G6PD: variants seen among roughly 807,000 people sequenced by gnomAD.
G6PD encodes the protein glucose-6-phosphate dehydrogenase.
Under a neutral mutation model 38.2 loss-of-function variants are expected in G6PD, and 2 were observed. The observed-to-expected ratio is 0.05, with a 90% CI of 0.02 to 0.16. The LOEUF is 0.16. Among genes scored for constraint, G6PD ranks in the 10% least tolerant of loss-of-function variants. The pLI, the probability that G6PD is intolerant of heterozygous loss-of-function variation, is 1.00. For synonymous variants in G6PD, 188 were observed against 196.0 expected (o/e 0.96, Z 0.34); for missense variants, 310 against 471.6 (o/e 0.66, Z 3.17).
At chrX:154,532,144 C>A in intron 12 of G6PD, 44 bp downstream of exon 12, 4 of 1,200,634 alleles carry the variant, frequency 3.3e-6, no homozygotes, top group Non-Finnish European at 4.5e-6. Flanking sequence ...CTCACCCCGC[C>A]CCTGCCCGCT....
upstream of G6PD, chrX:154,547,382 C>T (rs1234211503): frequency 4.0e-6 from 3 of 754,308 alleles, no homozygotes; most frequent in South Asian, 6.7e-5. Flanking sequence ...CGGCCGAGCG[C>T]CCCGAGGCTA....
intron 2 of G6PD, among the ~76,000 whole-genome samples, chrX:154,540,567 G>A (rs1557231618): frequency 9.4e-6 from 1 of 105,925 alleles, no homozygotes. Context: ...GAATCCAGGA[G>A]ACGGAGGTTG....
intron 3 of G6PD, 45 bp from the exon 4 acceptor site, chrX:154,536,090 C>T (rs1258055576): frequency 8.3e-7 from 1 of 1,205,333 alleles, no homozygotes. Context: ...AGGGCAGGAC[C>T]AGGCCTGTCC....
rs373239864 is a variant in G6PD at position 154,532,157 on chromosome X, G to C, written c.1457+31C>G. On this transcript the variant is annotated intron_variant, in intron 12 of 12. Coordinates refer to ENST00000393562, the MANE Select transcript of G6PD (RefSeq NM_001360016.2). ...CCCTCACCCCGCCCCTGCCCGCTGG[G>C]CTCTGTCCCCAGCCCCCACCCTTTC... 5.1e-4 allele frequency: 610 copies of C among 1,203,503 alleles called. No individual in the cohort carries two copies. The highest frequency in any genetic ancestry group is 4.5e-4 in the Non-Finnish European group (398 of 891,895).
chrX:154,543,137 C>G (rs1233325587), intron 2 of G6PD, among the ~76,000 whole-genome samples: 1 of 112,016 alleles, frequency 8.9e-6, no homozygotes, highest in Non-Finnish European at 1.9e-5. Context: ...ATCTCCCCCA[C>G]AGCAGGAAGA....
chrX:154,541,455 G>A (rs1557231884), intron 2 of G6PD: 1 of 111,896 alleles, frequency 8.9e-6, no homozygotes, highest in African/African-American at 3.3e-5. Flanking sequence ...AGGGAGCTAA[G>A]CTGAGCTGAG....
chrX:154,545,927 G>C, intron 2 of G6PD, 109 bp downstream of exon 2: 1 of 996,342 alleles, frequency 1.0e-6, no homozygotes, highest in Non-Finnish European at 1.4e-6. Flanking sequence ...GCGGGAGGAG[G>C]AGCTCAACTT....
intron 2 of G6PD, among the ~76,000 whole-genome samples, chrX:154,543,501 G>C (rs1557232459): frequency 8.9e-6 from 1 of 112,059 alleles, no homozygotes; most frequent in Non-Finnish European, 1.9e-5. Flanking sequence ...TCTAATAAGA[G>C]CTGAAGGCCA....
In G6PD at chrX:154,531,570, A is replaced by G; in HGVS notation, c.*430T>C. 5.0e-6 allele frequency: 1 copy of G among 198,573 alleles called. No individual in the cohort carries two copies. Among genetic ancestry groups the G allele is most frequent in the Non-Finnish European group, 9.4e-6 (1 of 106,438 alleles). 16.4% of individuals were successfully genotyped at this position (198,573 alleles called of 1,213,427 possible). A position where few individuals can be genotyped will look rare whatever the true frequency, so the allele number is the denominator to read the frequency against. On this transcript the variant is annotated 3_prime_UTR_variant, in exon 13 of 13. Transcript: ENST00000393562. The stretch of plus-strand genomic sequence containing the variant: ...ATGTTGCTGGTGACAAGGAATGTCA[A>G]GTGGCACTGAGGCTGGCGGGCAAGG...
intron 5 of G6PD, 36 bp from the exon 6 acceptor site, chrX:154,534,532 C>T (rs781998889): frequency 8.3e-7 from 1 of 1,206,402 alleles, no homozygotes; most frequent in Non-Finnish European, 1.1e-6. Context: ...CCCCCTTGAA[C>T]CCCTCTTCGG....
chrX:154,534,760 G>C (rs1224508338), intron 5 of G6PD, among the ~76,000 whole-genome samples: 2 of 111,832 alleles, frequency 1.8e-5, no homozygotes, highest in Non-Finnish European at 3.8e-5. Flanking sequence ...GTCCCCGGTG[G>C]GTCTGAGTGG....
intron 2 of G6PD, among the ~76,000 whole-genome samples, chrX:154,543,873 T>TC (rs1569556377): frequency 9.4e-6 from 1 of 106,541 alleles, no homozygotes; most frequent in Non-Finnish European, 1.9e-5. Flanking sequence ...TTTGTTATTT[T>TC]TTTTTTTTTT....
chrX:154,537,529 C>T (rs1166671846), intron 2 of G6PD, among the ~76,000 whole-genome samples: 12 of 111,486 alleles, frequency 1.1e-4, no homozygotes, highest in South Asian at 3.7e-4. Context: ...GCAGGAGAAT[C>T]GCTTGAACCT....
At chrX:154,544,615 G>A (rs1235195718) in intron 2 of G6PD, among the ~76,000 whole-genome samples, 2 of 112,377 alleles carry the variant, frequency 1.8e-5, no homozygotes, top group African/African-American at 3.2e-5. Flanking sequence ...CTTCTGAGGG[G>A]ACCAGGCTGG....
At chrX:154,544,584 C>T (rs1410682377) in intron 2 of G6PD, among the ~76,000 whole-genome samples, 3 of 112,462 alleles carry the variant, frequency 2.7e-5, no homozygotes, top group African/African-American at 9.7e-5. Context: ...CGTGAGCCAC[C>T]GTGCCCGGCC....
At chrX:154,537,081 G>A (rs1190074152) in intron 2 of G6PD, among the ~76,000 whole-genome samples, 2 of 111,461 alleles carry the variant, frequency 1.8e-5, no homozygotes, top group African/African-American at 6.5e-5. Context: ...CGAGGCAGGC[G>A]GATCAAGAGG....
At chrX:154,540,295 C>T (rs1481320647) in intron 2 of G6PD, among the ~76,000 whole-genome samples, 22 of 109,308 alleles carry the variant, frequency 2.0e-4, no homozygotes, top group Non-Finnish European at 4.2e-4. Context: ...ATGGTGAGAC[C>T]CCGTTTCTAC....
Position 154,536,170 on chromosome X carries a change from C to T in G6PD, c.129G>A (p.Leu43=), listed in dbSNP as rs1557230823. ...IFIIMGASGD[L]AKKKIYPTIW... ...TGGTGGGGTAGATCTTCTTCTTGGC[C>T]AGGTCACCCTGTGGCAGAGGGAACA... Residue 43 remains leucine, a synonymous_variant, in exon 3 of 13, where the codon CTG becomes CTA. Coordinates refer to ENST00000393562, the MANE Select transcript of G6PD (RefSeq NM_001360016.2). The T allele has an allele frequency of 1.2e-5, 14 of 1,209,561 alleles. No individual in the cohort carries two copies. The highest frequency in any genetic ancestry group is 1.6e-5 in the Non-Finnish European group (14 of 894,841).
chrX:154,534,305 C>T (rs782319910), intron 6 of G6PD, 33 bp downstream of exon 6: 1 of 1,208,454 alleles, frequency 8.3e-7, no homozygotes, highest in Non-Finnish European at 1.1e-6. Context: ...GTACCACCCC[C>T]ACCCTGGTCC....
Sources: gnomAD v4.1 joint callset for allele counts (sites outside exome capture counted in the v4.1 genomes callset) on GRCh38, gnomAD v4.1.1 for gene constraint, MANE v1.5 for transcripts, NCBI Gene and HGNC (gene_info 2026-07-23, HGNC 2026-07-21) for gene names.